ANO6: variants seen among roughly 807,000 people sequenced by gnomAD.
The protein encoded by ANO6 is anoctamin-6.
A neutral mutation model predicts 117.5 loss-of-function variants in ANO6; 106 were observed. That is an observed-to-expected ratio of 0.90 (90% CI 0.77 to 1.06). The LOEUF (loss-of-function observed/expected upper bound fraction) is 1.06, where lower values mean the gene tolerates loss of function less well. Among genes scored for constraint, ANO6 ranks in the 50% least tolerant of loss-of-function variants. The pLI is 0.00. For missense variants in ANO6, 955 were observed against 1,121.1 expected (o/e 0.85, Z 2.12); for synonymous variants, 367 against 385.1 (o/e 0.95, Z 0.55).
chr12:45,256,220 C>T (rs1043727356), intron 1 of ANO6, among the ~76,000 whole-genome samples: 1 of 152,142 alleles, frequency 6.6e-6, no homozygotes, highest in Admixed American at 6.5e-5. Flanking sequence ...TGGGTAGACA[C>T]TGTTGGCAGA....
At chr12:45,388,610 CA>C (rs1340452087) in intron 11 of ANO6, among the ~76,000 whole-genome samples, 1 of 152,184 alleles carries the variant, frequency 6.6e-6, no homozygotes, top group African/African-American at 2.4e-5. Context: ...TTTACTGTGA[CA>C]TAGTGATATA....
chr12:45,232,474 A>G (rs539278699), intron 1 of ANO6, among the ~76,000 whole-genome samples: 6 of 152,350 alleles, frequency 3.9e-5, no homozygotes, highest in Non-Finnish European at 1.5e-5. Flanking sequence ...AACTAGTTCA[A>G]GGGAATGGGC....
intron 2 of ANO6, among the ~76,000 whole-genome samples, chr12:45,327,161 G>A (rs187929215): frequency 2.6e-4 from 40 of 151,746 alleles, no homozygotes; most frequent in South Asian, 6.2e-4. Flanking sequence ...ATAGTAATAA[G>A]CACTCCACAA....
rs1272565553 is a variant in ANO6, at chr12:45,370,860, A to G, written c.1104+3067A>G. ...GAAGAATGATTGGGAGGAGGAGCCA[A>G]GATGGCCGAATAGGAACAGCTCCGG... On this transcript the variant is annotated intron_variant, in intron 9 of 19. Coordinates refer to ENST00000320560, the MANE Select transcript of ANO6 (RefSeq NM_001025356.3). 2.6e-5 allele frequency among the ~76,000 whole-genome samples: 4 copies of G among 152,322 alleles called. No homozygotes were observed. The East Asian group carries it at 7.7e-4, about 29-fold the overall frequency.
At chr12:45,375,906 G>A (rs1941999231) in intron 9 of ANO6, among the ~76,000 whole-genome samples, 1 of 148,786 alleles carries the variant, frequency 6.7e-6, no homozygotes, top group African/African-American at 2.5e-5. Flanking sequence ...ACTACCATCA[G>A]AGTGAACAGG....
intron 3 of ANO6, among the ~76,000 whole-genome samples, chr12:45,340,743 C>T (rs543780520): frequency 1.3e-5 from 2 of 152,242 alleles, no homozygotes; most frequent in African/African-American, 2.4e-5. Context: ...TGGAAGACAG[C>T]TCTACCCTAA....
At chr12:45,388,470 T>G (rs1363470553) in intron 11 of ANO6, among the ~76,000 whole-genome samples, 167 bp downstream of exon 11, 2 of 151,812 alleles carry the variant, frequency 1.3e-5, no homozygotes, top group African/African-American at 4.8e-5. Flanking sequence ...AGCACAGGGG[T>G]TTTTTTTAAA....
chr12:45,375,349 A>C (rs2137534892), intron 9 of ANO6, among the ~76,000 whole-genome samples: 1 of 152,340 alleles, frequency 6.6e-6, no homozygotes, highest in South Asian at 2.1e-4. Context: ...AATTGGAAAA[A>C]ACTACTTTAA....
At chr12:45,261,840 A>G (rs1207593680) in intron 1 of ANO6, among the ~76,000 whole-genome samples, 1 of 152,210 alleles carries the variant, frequency 6.6e-6, no homozygotes, top group Non-Finnish European at 1.5e-5. Context: ...CACATCTGAA[A>G]GGCATACTTT....
intron 19 of ANO6, among the ~76,000 whole-genome samples, chr12:45,425,480 G>C (rs949916298): frequency 2.0e-5 from 3 of 152,216 alleles, no homozygotes; most frequent in Admixed American, 6.5e-5. Context: ...GACCTTGAAA[G>C]TAACCGGAGG....
At chr12:45,363,199 T>G (rs537259027) in intron 8 of ANO6, among the ~76,000 whole-genome samples, 2 of 152,156 alleles carry the variant, frequency 1.3e-5, no homozygotes, top group African/African-American at 4.8e-5. Context: ...AGCATTTTCC[T>G]TGAATATTAT....
At position 45,314,589 on chromosome 12, in the gene ANO6, C is replaced by T. The variant is rs138509397; in HGVS notation, c.150+12496C>T. Among the ~76,000 whole-genome samples, 560 of 150,310 alleles carry T rather than the reference C, an allele frequency of 3.7e-3. 3 individuals carry two copies. The highest frequency in any genetic ancestry group is 0.013 in the African/African-American group (531 of 40,816). On this transcript the variant is annotated intron_variant, in intron 2 of 19. Transcript: ENST00000320560. ...ATATATGTGTATATCTATATAAAATCAGGTTTGTATTTTTGAAGGAAATGG... is the reference window on the plus strand; with the variant it reads ...ATATATGTGTATATCTATATAAAATTAGGTTTGTATTTTTGAAGGAAATGG...
rs368386537 is a variant in ANO6 at position 45,260,892 on chromosome 12, A to G, written c.71-41122A>G. Among the ~76,000 whole-genome samples, 19 of 152,106 alleles carry G rather than the reference A, an allele frequency of 1.2e-4. No homozygotes were observed. In the East Asian group the frequency reaches 3.3e-3, roughly 26 times the overall value. Reference sequence around the variant, plus strand: ...AGCCTCAAACTGTTGGGCTCAAGCAATCCTCTTGCTTCTGCTTCTTGAGTA... The same window carrying G: ...AGCCTCAAACTGTTGGGCTCAAGCAGTCCTCTTGCTTCTGCTTCTTGAGTA... On this transcript the variant is annotated intron_variant, in intron 1 of 19. Transcript: ENST00000320560.
intron 1 of ANO6, among the ~76,000 whole-genome samples, chr12:45,234,162 T>G (rs17095557): frequency 0.057 from 8,743 of 152,280 alleles, 491 homozygotes; most frequent in East Asian, 0.3. Flanking sequence ...AATGTGTTCT[T>G]AAGTTGGAAG....
intron 10 of ANO6, 99 bp downstream of exon 10, chr12:45,378,212 C>T (rs777184982): frequency 5.0e-5 from 56 of 1,120,876 alleles, no homozygotes; most frequent in Non-Finnish European, 7.2e-5. Flanking sequence ...TTGTATTGCC[C>T]AGGCTTCAAC....
chr12:45,310,979 C>T (rs931889845), intron 2 of ANO6, among the ~76,000 whole-genome samples: 1 of 151,740 alleles, frequency 6.6e-6, no homozygotes, highest in African/African-American at 2.4e-5. Context: ...ATGATGAGTT[C>T]AATAAAATAA....
intron 1 of ANO6, among the ~76,000 whole-genome samples, chr12:45,248,765 A>G (rs1313873150): frequency 6.6e-6 from 1 of 152,178 alleles, no homozygotes; most frequent in Non-Finnish European, 1.5e-5. Flanking sequence ...TTTGGAGTCA[A>G]CTGACCTGAA....
intron 1 of ANO6, among the ~76,000 whole-genome samples, chr12:45,260,958 TTTTGTTTG>T (rs72026436): frequency 6.6e-6 from 1 of 151,700 alleles, no homozygotes. Context: ...CGGCTGTTTT[TTTTGTTTG>T]TTTGTTTGTT....
At position 45,275,334 on chromosome 12, in the gene ANO6, C is replaced by T. The variant is rs1283095852; in HGVS notation, c.71-26680C>T. 2.0e-5 allele frequency among the ~76,000 whole-genome samples: 3 copies of T among 152,224 alleles called. No individual in the cohort carries two copies. In the East Asian group the frequency reaches 5.8e-4, roughly 29 times the overall value. On this transcript the variant is annotated intron_variant, in intron 1 of 19. Coordinates refer to ENST00000320560, the MANE Select transcript of ANO6 (RefSeq NM_001025356.3). ...CAAGCAGTTCCCTGCCTCAGCCTCC[C>T]AAGTAGCTGGGATTACAGGCACCCG...
Sources: allele counts gnomAD v4.1 joint callset (sites outside exome capture counted in the v4.1 genomes callset), GRCh38; gene constraint gnomAD v4.1.1; transcripts MANE v1.5; gene names NCBI Gene and HGNC (gene_info 2026-07-23, HGNC 2026-07-21).